Variants in STON2 observed in about 807,000 individuals in gnomAD.
STON2 encodes stonin 2.
STON2 carries 29 observed loss-of-function variants against 65.7 expected under a neutral mutation model. The ratio of observed to expected loss-of-function variants is 0.44; its 90% confidence interval spans 0.33 to 0.60. The LOEUF is 0.60. Among genes scored for constraint, STON2 ranks in the 20% least tolerant of loss-of-function variants. The pLI, the probability that STON2 is intolerant of heterozygous loss-of-function variation, is 0.03. For missense variants in STON2, 1,054 were observed against 1,118.1 expected (o/e 0.94, Z 0.82); for synonymous variants, 404 against 414.2 (o/e 0.98, Z 0.30).
In STON2 at chr14:81,286,959, C is replaced by T. The variant is rs1157250592; in HGVS notation, c.743-8220G>A. Among the ~76,000 whole-genome samples the T allele has an allele frequency of 2.0e-5, 3 of 152,138 alleles. No homozygotes were observed. In the East Asian group the frequency reaches 5.8e-4, roughly 29 times the overall value. ...TTAAGCTAAAATCTGGTGAATTTTT[C>T]CCATTACCTTTTGAGATTGGCAAGA... On this transcript the variant is annotated intron_variant, in intron 5 of 7. Coordinates refer to ENST00000614646, the MANE Select transcript of STON2 (RefSeq NM_001394390.1).
At chr14:81,350,283 CTG>C (rs1897974649) in intron 4 of STON2, among the ~76,000 whole-genome samples, 2 of 152,110 alleles carry the variant, frequency 1.3e-5, no homozygotes, top group South Asian at 4.1e-4. Flanking sequence ...TTATTATACA[CTG>C]TATGCATGTA....
chr14:81,383,748 T>C (rs964394058), intron 3 of STON2, among the ~76,000 whole-genome samples: 1 of 152,080 alleles, frequency 6.6e-6, no homozygotes, highest in Non-Finnish European at 1.5e-5. Context: ...CAGTCTATTC[T>C]CAGATACACC....
At chr14:81,291,650 TTGTA>T (rs1223896484) in intron 5 of STON2, among the ~76,000 whole-genome samples, 2 of 152,134 alleles carry the variant, frequency 1.3e-5, no homozygotes, top group African/African-American at 4.8e-5. Context: ...CCTAGTATGT[TTGTA>T]TGTTTATTAG....
At chr14:81,390,085 G>A (rs1475648067) in intron 3 of STON2, among the ~76,000 whole-genome samples, 1 of 95,400 alleles carries the variant, frequency 1.0e-5, no homozygotes, top group Non-Finnish European at 1.8e-5. Flanking sequence ...GATGGCACAC[G>A]CCGTAATCCC....
Position 81,396,172 on chromosome 14 carries a change from G to A in STON2, c.95C>T (p.Thr32Met), listed in dbSNP as rs200393974. The change falls in exon 3 of 8, where the codon ACG becomes ATG. Residue 32 changes from threonine (T) to methionine (M), a missense_variant. Physicochemically the swap from Thr to Met is moderately conservative, Grantham distance 81 (BLOSUM62 -1). Coordinates refer to ENST00000614646, the MANE Select transcript of STON2 (RefSeq NM_001394390.1). ...TGACAGTCCTGGGAGGTGCTCTTCC[G>A]TGCCCCCTGAAACAGATACCAGACG... The part of the protein sequence containing the change: ...PPFPAHSQGG[T>M]EEHLPGLSSS... The A allele has an allele frequency of 1.5e-4, 239 of 1,606,970 alleles. 1 individual carries two copies. Among genetic ancestry groups the A allele is most frequent in the Non-Finnish European group, 1.9e-4 (220 of 1,176,592 alleles).
intron 6 of STON2, 72 bp downstream of exon 6, chr14:81,276,828 AG>A (rs1197767254): frequency 6.6e-7 from 1 of 1,520,260 alleles, no homozygotes; most frequent in Non-Finnish European, 8.9e-7. Flanking sequence ...CACTTCATAC[AG>A]GATGTGGAAC....
At position 81,396,129 on chromosome 14, in the gene STON2, G is replaced by C. The variant is rs375071723; in HGVS notation, c.138C>G (p.Ser46=). The C allele has an allele frequency of 6.2e-7, 1 of 1,613,928 alleles. No individual in the cohort carries two copies. The highest frequency in any genetic ancestry group is 1.7e-5 in the Admixed American group (1 of 60,000). ...LPGLSSSPDQ[S]ESSSGENHVV... ...CATGGTTCTCCCCGGAGGAGCTCTC[G>C]GACTGGTCTGGGGAAGATGACAGTC... The change falls in exon 3 of 8, where the codon TCC becomes TCG. Residue 46 remains serine, a synonymous_variant. Transcript: ENST00000614646.
At chr14:81,293,879 T>A (rs1057222849) in intron 5 of STON2, among the ~76,000 whole-genome samples, 1 of 152,162 alleles carries the variant, frequency 6.6e-6, no homozygotes, top group African/African-American at 2.4e-5. Flanking sequence ...GATTGCTGAT[T>A]TGCAGAATCA....
chr14:81,280,312 G>T (rs893049051), intron 5 of STON2, among the ~76,000 whole-genome samples: 1 of 152,180 alleles, frequency 6.6e-6, no homozygotes, highest in Non-Finnish European at 1.5e-5. Context: ...TAGCAAGGAG[G>T]AATGAATTCT....
At chr14:81,347,615 T>TAAAAAAAAAAAAAAAAAAAAAA in intron 4 of STON2, among the ~76,000 whole-genome samples, 1 of 72,622 alleles carries the variant, frequency 1.4e-5, no homozygotes, top group Non-Finnish European at 2.5e-5. Context: ...AAGAAGACAG[T>TAAAAAAAAAAAAAAAAAAAAAA]AAAAAAAAAA....
At chr14:81,346,945 AT>A (rs1199398010) in intron 4 of STON2, among the ~76,000 whole-genome samples, 6 of 152,194 alleles carry the variant, frequency 3.9e-5, no homozygotes, top group African/African-American at 1.4e-4. Context: ...CAATAAACGT[AT>A]ACATCAAAAA....
intron 5 of STON2, among the ~76,000 whole-genome samples, chr14:81,320,842 C>T (rs1187706002): frequency 6.6e-6 from 1 of 152,086 alleles, no homozygotes; most frequent in Non-Finnish European, 1.5e-5. Flanking sequence ...GACCCCAGAG[C>T]ATTAGCATGA....
At chr14:81,321,696 A>C (rs896257636) in intron 5 of STON2, among the ~76,000 whole-genome samples, 1 of 152,228 alleles carries the variant, frequency 6.6e-6, no homozygotes, top group African/African-American at 2.4e-5. Flanking sequence ...GTTGCATTCA[A>C]TTTGCTTCAT....
chr14:81,369,365 C>T (rs1374853458), intron 4 of STON2, among the ~76,000 whole-genome samples: 1 of 152,080 alleles, frequency 6.6e-6, no homozygotes, highest in Non-Finnish European at 1.5e-5. Flanking sequence ...ATGTCTAGTT[C>T]AGGCTAGGGC....
chr14:81,273,321 C>T (rs77266811), intron 6 of STON2, among the ~76,000 whole-genome samples: 397 of 152,328 alleles, frequency 2.6e-3, no homozygotes, highest in Non-Finnish European at 4.7e-3. Context: ...TCCACACATT[C>T]TGTCATTTCC....
In STON2 at chr14:81,353,210, G is replaced by A. The variant is rs545800082; in HGVS notation, c.571+17778C>T. 5.3e-5 allele frequency among the ~76,000 whole-genome samples: 8 copies of A among 152,226 alleles called. No individual in the cohort carries two copies. In the South Asian group the frequency reaches 1.7e-3, roughly 32 times the overall value. On this transcript the variant is annotated intron_variant, in intron 4 of 7. Coordinates refer to ENST00000614646, the MANE Select transcript of STON2 (RefSeq NM_001394390.1). Reference sequence around the variant, plus strand: ...TAATAGTCTTACATTTGAAAACATGGGGAAAAGTTTTATTTCCACACTAGT... The same window carrying A: ...TAATAGTCTTACATTTGAAAACATGAGGAAAAGTTTTATTTCCACACTAGT...
intron 3 of STON2, among the ~76,000 whole-genome samples, chr14:81,376,060 T>C (rs897532768): frequency 7.2e-5 from 11 of 151,894 alleles, no homozygotes; most frequent in Non-Finnish European, 1.2e-4. Context: ...TTTAAGAATA[T>C]ATGTAAGCAG....
At chr14:81,355,676 T>C (rs187012065) in intron 4 of STON2, among the ~76,000 whole-genome samples, 13 of 152,216 alleles carry the variant, frequency 8.5e-5, no homozygotes, top group African/African-American at 3.1e-4. Context: ...AATGCTGCTA[T>C]TAAATCATAA....
chr14:81,366,934 G>A lies in STON2; in HGVS notation c.571+4054C>T, dbSNP rs1318179668. On this transcript the variant is annotated intron_variant, in intron 4 of 7. Coordinates refer to ENST00000614646, the MANE Select transcript of STON2 (RefSeq NM_001394390.1). Reference sequence around the variant, plus strand: ...TCGCTCAGTTCCATTTTACAGATAAGAAAGTAAAGCTCTGAAGAAATGACT... The same window carrying A: ...TCGCTCAGTTCCATTTTACAGATAAAAAAGTAAAGCTCTGAAGAAATGACT... Among the ~76,000 whole-genome samples, 92 of 152,124 alleles carry A rather than the reference G, an allele frequency of 6.0e-4. 1 individual carries two copies. The highest frequency in any genetic ancestry group is 1.9e-4 in the East Asian group (1 of 5,158).
Sources: allele counts gnomAD v4.1 joint callset (sites outside exome capture counted in the v4.1 genomes callset), GRCh38; gene constraint gnomAD v4.1.1; transcripts MANE v1.5; gene names NCBI Gene and HGNC (gene_info 2026-07-23, HGNC 2026-07-21).